Variants in SPART observed in about 807,000 individuals in gnomAD.
SPART encodes spartin.
SPART carries 35 observed loss-of-function variants against 58.7 expected under a neutral mutation model. The ratio of observed to expected loss-of-function variants is 0.60; its 90% CI spans 0.46 to 0.79. The LOEUF (loss-of-function observed/expected upper bound fraction) is 0.79, where lower values mean the gene tolerates loss of function less well. SPART is among the 30% of genes least tolerant of loss of function. SPART has a pLI of 0.00. For missense variants in SPART, 730 were observed against 786.1 expected (o/e 0.93, Z 0.85); for synonymous variants, 284 against 280.7 (o/e 1.01, Z -0.12).
At position 36,303,806 on chromosome 13, in the gene SPART, T is replaced by C. The variant is rs1284106228; in HGVS notation, c.*559A>G. On this transcript the variant is annotated 3_prime_UTR_variant, in exon 9 of 9. Transcript: ENST00000438666. Reference sequence around the variant, plus strand: ...GGTAAGTTACAAAAGTAGTCCATTTTACTTTTCATCAGTCTTTCCCTGTTT... The same window carrying C: ...GGTAAGTTACAAAAGTAGTCCATTTCACTTTTCATCAGTCTTTCCCTGTTT... 6.5e-6 allele frequency: 1 copy of C among 153,720 alleles called. No homozygotes were observed. Among genetic ancestry groups the C allele is most frequent in the African/African-American group, 2.4e-5 (1 of 41,458 alleles). The allele number at this position is 153,720 out of a possible 1,614,324, so 9.5% of individuals were successfully genotyped here.
At chr13:36,317,639 C>T (rs1203096335) in intron 5 of SPART, among the ~76,000 whole-genome samples, 2 of 151,934 alleles carry the variant, frequency 1.3e-5, no homozygotes, top group Non-Finnish European at 2.9e-5. Context: ...GTAAGAACCC[C>T]GAACCCCTTC....
chr13:36,305,078 A>C (rs1335814498), intron 8 of SPART, among the ~76,000 whole-genome samples: 1 of 152,166 alleles, frequency 6.6e-6, no homozygotes, highest in Non-Finnish European at 1.5e-5. Context: ...TGGGAATTTG[A>C]GTTAATCTTT....
chr13:36,317,482 C>T (rs572616054), intron 5 of SPART, among the ~76,000 whole-genome samples: 52 of 150,688 alleles, frequency 3.5e-4, no homozygotes, highest in Middle Eastern at 3.5e-3. Flanking sequence ...CTTAACTCTG[C>T]GCCCCAATCC....
chr13:36,328,578 T>C (rs1320302980), intron 4 of SPART, among the ~76,000 whole-genome samples: 2 of 152,242 alleles, frequency 1.3e-5, no homozygotes, highest in Non-Finnish European at 2.9e-5. Context: ...ATCTCTTTGC[T>C]AATCTGTTCT....
chr13:36,345,890 G>A (rs999902150), intron 1 of SPART, among the ~76,000 whole-genome samples: 1 of 152,114 alleles, frequency 6.6e-6, no homozygotes, highest in Non-Finnish European at 1.5e-5. Flanking sequence ...CGGCGAGAAT[G>A]ATCAATAGCG....
rs539093431 is a variant in SPART, at chr13:36,303,220, G to T, written c.*1145C>A. The stretch of plus-strand genomic sequence containing the variant: ...ATGTCTAATTAAGTAGCCACTAGAA[G>T]ATCAGAAATTATTAGAATGGACTAC... On this transcript the variant is annotated 3_prime_UTR_variant, in exon 9 of 9. Transcript: ENST00000438666. 1.3e-5 allele frequency: 2 copies of T among 152,194 alleles called. No individual in the cohort carries two copies. Among genetic ancestry groups the T allele is most frequent in the South Asian group, 2.1e-4 (1 of 4,826 alleles). 9.4% of individuals were successfully genotyped at this position (152,194 alleles called of 1,614,324 possible). A position where few individuals can be genotyped will look rare whatever the true frequency, so the allele number is the denominator to read the frequency against.
intron 1 of SPART, among the ~76,000 whole-genome samples, chr13:36,339,292 A>G (rs1884333424): frequency 6.6e-6 from 1 of 152,190 alleles, no homozygotes; most frequent in African/African-American, 2.4e-5. Flanking sequence ...CCCAGAAAGC[A>G]GAGCAAAAAG....
intron 1 of SPART, among the ~76,000 whole-genome samples, chr13:36,343,455 G>A (rs1231983001): frequency 6.6e-6 from 1 of 152,106 alleles, no homozygotes; most frequent in Non-Finnish European, 1.5e-5. Flanking sequence ...ACAGGTGAAA[G>A]AATGATGTAC....
At chr13:36,364,790 A>G (rs1367081696) in intron 1 of SPART, among the ~76,000 whole-genome samples, 2 of 152,198 alleles carry the variant, frequency 1.3e-5, no homozygotes, top group Non-Finnish European at 2.9e-5. Flanking sequence ...CAAAGTTTGC[A>G]AAAGTTGACT....
At chr13:36,341,663 G>T (rs935081732) in intron 1 of SPART, among the ~76,000 whole-genome samples, 1 of 152,178 alleles carries the variant, frequency 6.6e-6, no homozygotes, top group South Asian at 2.1e-4. Context: ...AAGCACAGAA[G>T]CATCACAGAA....
chr13:36,326,653 G>C lies in SPART; in HGVS notation c.1210C>G (p.Pro404Ala). 6.2e-7 allele frequency: 1 copy of C among 1,613,248 alleles called. No individual in the cohort carries two copies. The highest frequency in any genetic ancestry group is 8.5e-7 in the Non-Finnish European group (1 of 1,179,782). Residue 404 changes from proline to alanine, a missense_variant, in exon 5 of 9, where the codon CCA becomes GCA. By Grantham distance (27) the Pro-to-Ala change is conservative. Coordinates refer to ENST00000438666, the MANE Select transcript of SPART (RefSeq NM_015087.5). ...TTTTCTTCTGGAACTGGCTCACATG[G>C]TACAATGTGACTCAGGTTAACTTCT... ...SEEVNLSHIV[P>A]CEPVPEEKPK...
chr13:36,328,914 A>G (rs573734205), intron 4 of SPART, among the ~76,000 whole-genome samples: 6 of 152,302 alleles, frequency 3.9e-5, no homozygotes, highest in African/African-American at 1.4e-4. Flanking sequence ...AACAAATAAG[A>G]AAGTATGTGC....
intron 8 of SPART, among the ~76,000 whole-genome samples, chr13:36,307,264 A>C (rs888146308): frequency 3.3e-5 from 5 of 152,186 alleles, no homozygotes; most frequent in African/African-American, 1.2e-4. Context: ...GGCCTAAATA[A>C]GTCAACGAGA....
chr13:36,328,567 G>T (rs930500223), intron 4 of SPART, among the ~76,000 whole-genome samples: 11 of 152,178 alleles, frequency 7.2e-5, no homozygotes, highest in African/African-American at 2.7e-4. Context: ...GGATAGAAAT[G>T]ATCTCTTTGC....
At chr13:36,348,048 G>A (rs1294233693), upstream of SPART, among the ~76,000 whole-genome samples, 1 of 152,174 alleles carries the variant, frequency 6.6e-6, no homozygotes, top group Non-Finnish European at 1.5e-5. Context: ...CTACTCCAGA[G>A]GCCGAGGCAA....
intron 1 of SPART, chr13:36,368,177 T>A: frequency 4.3e-6 from 2 of 461,164 alleles, no homozygotes; most frequent in Admixed American, 4.9e-5. Flanking sequence ...TTTCATTTAC[T>A]CATTCCTTTC....
intron 5 of SPART, among the ~76,000 whole-genome samples, chr13:36,319,061 T>G (rs1373846333): frequency 3.3e-5 from 5 of 152,166 alleles, no homozygotes; most frequent in East Asian, 3.9e-4. Flanking sequence ...TTCAAGGGCC[T>G]GTTTCCCTTG....
intron 3 of SPART, among the ~76,000 whole-genome samples, chr13:36,330,204 C>G (rs1211057095): frequency 1.3e-5 from 2 of 152,180 alleles, no homozygotes; most frequent in African/African-American, 4.8e-5. Context: ...TCTGTGAATA[C>G]TTAAGAGCAT....
At chr13:36,354,290 G>T (rs1202585108) in intron 1 of SPART, among the ~76,000 whole-genome samples, 1 of 152,146 alleles carries the variant, frequency 6.6e-6, no homozygotes, top group Non-Finnish European at 1.5e-5. Flanking sequence ...TCCAGGAAAA[G>T]GTGAATAACT....
Sources: gnomAD v4.1 joint callset for allele counts (sites outside exome capture counted in the v4.1 genomes callset) on GRCh38, gnomAD v4.1.1 for gene constraint, MANE v1.5 for transcripts, NCBI Gene and HGNC (gene_info 2026-07-23, HGNC 2026-07-21) for gene names.